The following DMD variants were observed in gnomAD, a reference collection of about 807,000 sequenced individuals.
DMD encodes dystrophin, also known as mutant dystrophin.
Under a neutral mutation model 330.1 loss-of-function variants are expected in DMD, and 63 were observed. That is an observed-to-expected ratio of 0.19 (90% CI 0.16 to 0.24). The LOEUF (loss-of-function observed/expected upper bound fraction) is 0.24, where lower values mean the gene tolerates loss of function less well. Among genes scored for constraint, DMD ranks in the 10% least tolerant of loss-of-function variants. DMD has a pLI of 1.00. For synonymous variants in DMD, 1,223 were observed against 959.8 expected (o/e 1.27, Z -5.07); for missense variants, 3,344 against 2,684.1 (o/e 1.25, Z -5.43).
At chrX:31,349,562 G>T (rs1390805552) in intron 60 of DMD, among the ~76,000 whole-genome samples, 5 of 111,897 alleles carry the variant, frequency 4.5e-5, no homozygotes, top group African/African-American at 1.6e-4. Flanking sequence ...ACCTTTAGGG[G>T]GCATGCAGTG....
At chrX:31,899,650 G>T (rs933608951) in intron 47 of DMD, among the ~76,000 whole-genome samples, 1 of 110,892 alleles carries the variant, frequency 9.0e-6, no homozygotes, top group African/African-American at 3.3e-5. Context: ...AAAATAGGAC[G>T]ATATACATTC....
chrX:32,480,134 C>G (rs1206989339), intron 21 of DMD, among the ~76,000 whole-genome samples: 4 of 111,316 alleles, frequency 3.6e-5, no homozygotes. Flanking sequence ...TAAGAGGCAC[C>G]AATGGCCAAC....
chrX:32,870,628 C>A (rs183388759), intron 2 of DMD, among the ~76,000 whole-genome samples: 3 of 110,523 alleles, frequency 2.7e-5, no homozygotes, highest in Admixed American at 1.9e-4. Flanking sequence ...CATCTAATAC[C>A]CAACCAACTG....
intron 7 of DMD, among the ~76,000 whole-genome samples, chrX:32,783,215 T>C (rs751767206): frequency 1.0e-5 from 1 of 99,617 alleles, no homozygotes; most frequent in East Asian, 3.2e-4. Context: ...CACATATGTG[T>C]ATATACGTGT....
upstream of DMD, among the ~76,000 whole-genome samples, chrX:33,213,923 A>C (rs904561405): frequency 9.0e-6 from 1 of 111,543 alleles, no homozygotes; most frequent in African/African-American, 3.3e-5. Flanking sequence ...TTACAGTCAC[A>C]ACAGTCACCC....
At chrX:32,453,528 G>T (rs1303422689) in intron 26 of DMD, among the ~76,000 whole-genome samples, 1 of 110,666 alleles carries the variant, frequency 9.0e-6, no homozygotes, top group Non-Finnish European at 1.9e-5. Context: ...AACTATAATA[G>T]ATATTTCTGA....
At chrX:32,743,540 G>C (rs1028322294) in intron 7 of DMD, among the ~76,000 whole-genome samples, 1 of 111,204 alleles carries the variant, frequency 9.0e-6, no homozygotes, top group Non-Finnish European at 1.9e-5. Context: ...TTTCTGGTTA[G>C]GATTCTAACC....
upstream of DMD, among the ~76,000 whole-genome samples, chrX:33,212,777 C>A (rs1246215230): frequency 2.7e-5 from 3 of 111,821 alleles, no homozygotes; most frequent in Non-Finnish European, 5.6e-5. Context: ...TTAAAACATT[C>A]TTTTCCCTAG....
rs756870163 is a variant in DMD at position 32,112,997 on chromosome X, C to G, written c.6438+103919G>C. 2.7e-4 allele frequency among the ~76,000 whole-genome samples: 30 copies of G among 112,531 alleles called. No homozygotes were observed. The Admixed American group carries it at 2.7e-3, about 10-fold the overall frequency. ...TTTTACTTATCAGGAATTTGAAAGC[C>G]AAATTAGTTAAGTAAATTAAAGTAA... On this transcript the variant is annotated intron_variant, in intron 44 of 78. Coordinates refer to ENST00000357033, the MANE Select transcript of DMD (RefSeq NM_004006.3).
chrX:32,160,057 GA>G (rs978710571), intron 44 of DMD, among the ~76,000 whole-genome samples: 1 of 110,834 alleles, frequency 9.0e-6, no homozygotes, highest in Non-Finnish European at 1.9e-5. Context: ...TTGCATTTTA[GA>G]AAAAAAATTA....
At position 32,611,747 on chromosome X, in the gene DMD, C is replaced by A. The variant is rs188588606; in HGVS notation, c.1482+2556G>T. ...TTCTCCCTGGATTTCGCTTTACACTCCAGGCATCCAGCAGCAGTGTCCTGC... is the reference window on the plus strand; with the variant it reads ...TTCTCCCTGGATTTCGCTTTACACTACAGGCATCCAGCAGCAGTGTCCTGC... On this transcript the variant is annotated intron_variant, in intron 12 of 78. Coordinates refer to ENST00000357033, the MANE Select transcript of DMD (RefSeq NM_004006.3). Among the ~76,000 whole-genome samples, 22 of 111,812 alleles carry A rather than the reference C, an allele frequency of 2.0e-4. No individual in the cohort carries two copies. In the Admixed American group the frequency reaches 2.1e-3, roughly 11 times the overall value.
chrX:31,874,700 A>C (rs2093942393), intron 48 of DMD, among the ~76,000 whole-genome samples: 1 of 111,026 alleles, frequency 9.0e-6, no homozygotes, highest in Admixed American at 9.6e-5. Flanking sequence ...GCCTGGGCTC[A>C]TCTTTGCACT....
chrX:31,152,054 G>A (rs1260830132), intron 74 of DMD, among the ~76,000 whole-genome samples: 2 of 112,211 alleles, frequency 1.8e-5, no homozygotes, highest in East Asian at 2.8e-4. Flanking sequence ...ATTGAGTTTA[G>A]TAACTTCAAT....
intron 1 of DMD, among the ~76,000 whole-genome samples, chrX:33,241,352 AT>A (rs1288536715): frequency 1.8e-5 from 2 of 111,918 alleles, no homozygotes; most frequent in African/African-American, 6.5e-5. Flanking sequence ...ATTGTTGAAA[AT>A]CAGCTGGCTA....
chrX:32,939,270 G>A (rs932581876), intron 2 of DMD, among the ~76,000 whole-genome samples: 1 of 102,294 alleles, frequency 9.8e-6, no homozygotes, highest in Admixed American at 1.1e-4. Flanking sequence ...GTGTATATAC[G>A]TGTATATATA....
intron 51 of DMD, among the ~76,000 whole-genome samples, chrX:31,745,497 AAATTGCAGTAACCC>A (rs1331319906): frequency 8.9e-6 from 1 of 112,075 alleles, no homozygotes; most frequent in African/African-American, 3.2e-5. Context: ...ATGGAAAATT[AAATTGCAGTAACCC>A]AAGAAAAGCC....
chrX:31,553,434 C>T (rs1429905104), intron 55 of DMD, among the ~76,000 whole-genome samples: 3 of 111,473 alleles, frequency 2.7e-5, no homozygotes, highest in Non-Finnish European at 5.7e-5. Context: ...AAAGTAATTG[C>T]GTTTTTTTTA....
intron 1 of DMD, among the ~76,000 whole-genome samples, chrX:33,124,543 T>A (rs905642054): frequency 9.4e-6 from 1 of 106,547 alleles, no homozygotes; most frequent in African/African-American, 3.4e-5. Flanking sequence ...GTCTTTATTT[T>A]CTTCCTTGGC....
At position 32,010,263 on chromosome X, in the gene DMD, G is replaced by T. The variant is rs747631424; in HGVS notation, c.6439-41749C>A. Among the ~76,000 whole-genome samples the T allele has an allele frequency of 2.4e-3, 271 of 111,581 alleles. 1 individual carries two copies. The highest frequency in any genetic ancestry group is 4.6e-3 in the Middle Eastern group (1 of 217). ...ATCCATATCTATTAAATACCATCTGGATATTTTATCTATTATATCTGGGTA... is the reference window on the plus strand; with the variant it reads ...ATCCATATCTATTAAATACCATCTGTATATTTTATCTATTATATCTGGGTA... On this transcript the variant is annotated intron_variant, in intron 44 of 78. Transcript: ENST00000357033.
Sources: gnomAD v4.1 joint callset for allele counts (sites outside exome capture counted in the v4.1 genomes callset) on GRCh38, gnomAD v4.1.1 for gene constraint, MANE v1.5 for transcripts, NCBI Gene and HGNC (gene_info 2026-07-23, HGNC 2026-07-21) for gene names.